LPAR3: variants seen among roughly 807,000 people sequenced by gnomAD.
LPAR3 encodes lysophosphatidic acid receptor 3, also known as LPA receptor 3.
LPAR3 carries 7 observed loss-of-function variants against 17.8 expected under a neutral mutation model. The observed-to-expected ratio is 0.39, with a 90% CI of 0.22 to 0.74. The LOEUF (loss-of-function observed/expected upper bound fraction) is 0.74. Among genes scored for constraint, LPAR3 ranks in the 30% least tolerant of loss-of-function variants. The probability of loss-of-function intolerance (pLI) is 0.40; values close to 1 mark genes in which losing one functional copy is unlikely to be tolerated. For missense variants in LPAR3, 391 were observed against 453.4 expected (o/e 0.86, Z 1.25); for synonymous variants, 179 against 179.9 (o/e 0.99, Z 0.04).
chr1:84,888,789 G>C (rs1486320587), intron 1 of LPAR3, among the ~76,000 whole-genome samples: 2 of 152,200 alleles, frequency 1.3e-5, no homozygotes, highest in African/African-American at 4.8e-5. Flanking sequence ...TTGATAACTG[G>C]TCAATCTGCA....
At chr1:84,892,570 C>A (rs1660572962) in intron 1 of LPAR3, among the ~76,000 whole-genome samples, 1 of 152,196 alleles carries the variant, frequency 6.6e-6, no homozygotes, top group African/African-American at 2.4e-5. Flanking sequence ...CAGCACAGTA[C>A]CAGATGTAAC....
chr1:84,842,351 C>T (rs1250013315), intron 2 of LPAR3, among the ~76,000 whole-genome samples: 1 of 152,172 alleles, frequency 6.6e-6, no homozygotes, highest in Non-Finnish European at 1.5e-5. Flanking sequence ...GTTCTAGAGT[C>T]CCAAACAAAA....
chr1:84,829,358 A>G (rs1659238163), intron 2 of LPAR3, among the ~76,000 whole-genome samples: 1 of 151,906 alleles, frequency 6.6e-6, no homozygotes, highest in African/African-American at 2.4e-5. Flanking sequence ...ATGGGGCCCA[A>G]GAATTTGAAT....
At chr1:84,852,217 G>A (rs749342310) in intron 2 of LPAR3, among the ~76,000 whole-genome samples, 4 of 151,320 alleles carry the variant, frequency 2.6e-5, no homozygotes, top group Non-Finnish European at 4.4e-5. Context: ...CGAGTAGTTG[G>A]GACTACAGGT....
In LPAR3 at chr1:84,812,791, G is replaced by A. The variant is rs1198726131; in HGVS notation, c.*1055C>T. On this transcript the variant is annotated 3_prime_UTR_variant, in exon 3 of 3. Coordinates refer to ENST00000370611, the MANE Select transcript of LPAR3 (RefSeq NM_012152.3). ...CTCTTATTCCTCTGTCCTTTTGCTG[G>A]GTTTTCTCTACCTGCTCCTTAAACG... 1 of 151,916 alleles carries A rather than the reference G, an allele frequency of 6.6e-6. No individual in the cohort carries two copies. Among genetic ancestry groups the A allele is most frequent in the East Asian group, 1.9e-4 (1 of 5,164 alleles). The allele number at this position is 151,916 out of a possible 1,614,324, so 9.4% of individuals were successfully genotyped here.
chr1:84,836,292 C>T (rs1423550339), intron 2 of LPAR3, among the ~76,000 whole-genome samples: 1 of 143,236 alleles, frequency 7.0e-6, no homozygotes, highest in Non-Finnish European at 1.5e-5. Flanking sequence ...GAGTCATCAT[C>T]GTAACACTGC....
At chr1:84,837,223 A>G (rs993059218) in intron 2 of LPAR3, among the ~76,000 whole-genome samples, 12 of 152,152 alleles carry the variant, frequency 7.9e-5, no homozygotes, top group Admixed American at 2.6e-4. Flanking sequence ...GGGTTTCACC[A>G]TGTTAGCCAG....
chr1:84,846,054 G>A (rs756387095), intron 2 of LPAR3, among the ~76,000 whole-genome samples: 3 of 152,132 alleles, frequency 2.0e-5, no homozygotes, highest in Non-Finnish European at 2.9e-5. Flanking sequence ...TCAGCTTCAA[G>A]TAAGCAAATT....
At chr1:84,886,239 T>C (rs1237226108) in intron 1 of LPAR3, among the ~76,000 whole-genome samples, 1 of 152,200 alleles carries the variant, frequency 6.6e-6, no homozygotes. Context: ...ACTAATACTG[T>C]ATTGAGGCTG....
At chr1:84,881,706 T>A (rs772285908) in intron 1 of LPAR3, among the ~76,000 whole-genome samples, 1 of 152,184 alleles carries the variant, frequency 6.6e-6, no homozygotes, top group Non-Finnish European at 1.5e-5. Context: ...ACATTCACTC[T>A]GCTGTAGCTT....
intron 1 of LPAR3, among the ~76,000 whole-genome samples, chr1:84,867,897 G>A (rs1171929193): frequency 2.6e-5 from 4 of 152,010 alleles, no homozygotes; most frequent in African/African-American, 9.7e-5. Flanking sequence ...ATATGAATAG[G>A]CCACACCTGA....
intron 2 of LPAR3, among the ~76,000 whole-genome samples, chr1:84,816,835 A>C (rs1658941771): frequency 6.6e-6 from 1 of 152,134 alleles, no homozygotes; most frequent in African/African-American, 2.4e-5. Flanking sequence ...AAATATCTTC[A>C]TTTACTTGAA....
At chr1:84,848,661 T>C (rs1000805325) in intron 2 of LPAR3, among the ~76,000 whole-genome samples, 7 of 152,174 alleles carry the variant, frequency 4.6e-5, no homozygotes, top group African/African-American at 1.4e-4. Flanking sequence ...GTCCACTCCA[T>C]GCAACTGAGA....
intron 2 of LPAR3, among the ~76,000 whole-genome samples, chr1:84,850,727 T>C (rs72718725): frequency 0.012 from 1,802 of 152,374 alleles, 16 homozygotes; most frequent in South Asian, 0.034. Context: ...AGGCTAACTC[T>C]GTACCACAGA....
chr1:84,891,208 CAAGAG>C (rs1389071265), intron 1 of LPAR3, among the ~76,000 whole-genome samples: 3 of 149,640 alleles, frequency 2.0e-5, no homozygotes, highest in Non-Finnish European at 4.4e-5. Flanking sequence ...AAGGTTTAGA[CAAGAG>C]GAGTGTCATA....
chr1:84,827,760 G>A (rs1158357980), intron 2 of LPAR3, among the ~76,000 whole-genome samples: 3 of 152,164 alleles, frequency 2.0e-5, no homozygotes, highest in Non-Finnish European at 2.9e-5. Flanking sequence ...ATGACATCAT[G>A]AATAAAGCAC....
chr1:84,819,684 C>T (rs977728553), intron 2 of LPAR3, among the ~76,000 whole-genome samples: 22 of 152,154 alleles, frequency 1.4e-4, no homozygotes. Context: ...AATGTTTGAG[C>T]ACATACGCAA....
intron 2 of LPAR3, among the ~76,000 whole-genome samples, chr1:84,861,423 C>A (rs1432172116): frequency 6.6e-6 from 1 of 151,660 alleles, no homozygotes; most frequent in Non-Finnish European, 1.5e-5. Flanking sequence ...TCTCTCTCTC[C>A]CTCTCTCTCT....
intron 2 of LPAR3, among the ~76,000 whole-genome samples, chr1:84,818,560 C>CA (rs1395543476): frequency 6.6e-6 from 1 of 151,918 alleles, no homozygotes; most frequent in Non-Finnish European, 1.5e-5. Context: ...AACAAAACTA[C>CA]AAAAAATATA....
Sources: allele counts gnomAD v4.1 joint callset (sites outside exome capture counted in the v4.1 genomes callset), GRCh38; gene constraint gnomAD v4.1.1; transcripts MANE v1.5; gene names NCBI Gene and HGNC (gene_info 2026-07-23, HGNC 2026-07-21).